CCDC171: variants seen among roughly 807,000 people sequenced by gnomAD.
CCDC171 encodes coiled-coil domain containing 171.
Under a neutral mutation model 168.2 loss-of-function variants are expected in CCDC171, and 177 were observed. That is an observed-to-expected ratio of 1.05 (90% CI 0.93 to 1.19). The LOEUF is 1.19. CCDC171 is among the 50% of genes most tolerant of loss of function. The pLI is 0.00. For synonymous variants in CCDC171, 687 were observed against 540.8 expected (o/e 1.27, Z -3.75); for missense variants, 1,991 against 1,539.0 (o/e 1.29, Z -4.91).
At chr9:15,697,602 C>G (rs1365569911) in intron 11 of CCDC171, among the ~76,000 whole-genome samples, 1 of 152,104 alleles carries the variant, frequency 6.6e-6, no homozygotes, top group Non-Finnish European at 1.5e-5. Context: ...TTTTCGGCTT[C>G]CCAGTATGTT....
At chr9:16,076,955 GA>G in the CCDC171 span, among the ~76,000 whole-genome samples, 2 of 152,186 alleles carry the variant, frequency 1.3e-5, no homozygotes, top group East Asian at 3.8e-4. Context: ...GAATGGCTTG[GA>G]TATTTGGATA....
At chr9:15,784,423 A>G (rs528034368) in intron 20 of CCDC171, 86 bp from the exon 21 acceptor site, 189 of 793,650 alleles carry the variant, frequency 2.4e-4, no homozygotes, top group Non-Finnish European at 3.6e-4. Flanking sequence ...AAATGTTTGT[A>G]TTATATTCCT....
At chr9:15,561,027 G>A (rs1586961517) in intron 1 of CCDC171, among the ~76,000 whole-genome samples, 1 of 152,276 alleles carries the variant, frequency 6.6e-6, no homozygotes, top group Middle Eastern at 3.4e-3. Flanking sequence ...ACTAGCGGAA[G>A]CTCAGTTGGA....
chr9:15,757,279 G>A (rs1475405442), intron 18 of CCDC171, among the ~76,000 whole-genome samples: 1 of 152,178 alleles, frequency 6.6e-6, no homozygotes, highest in African/African-American at 2.4e-5. Context: ...CCAGGCTGAG[G>A]TGGTCTCAGA....
At chr9:15,867,466 G>A (rs945902230) in intron 23 of CCDC171, among the ~76,000 whole-genome samples, 2 of 151,850 alleles carry the variant, frequency 1.3e-5, no homozygotes, top group African/African-American at 4.8e-5. Flanking sequence ...TGTTACTTAC[G>A]GTCTTTGAAC....
chr9:15,650,263 G>A (rs1015962144), intron 7 of CCDC171, among the ~76,000 whole-genome samples: 3 of 152,224 alleles, frequency 2.0e-5, no homozygotes, highest in African/African-American at 2.4e-5. Flanking sequence ...GTGGAGGGAT[G>A]GGGGAGGGAT....
chr9:15,578,840 T>G lies in CCDC171; in HGVS notation c.178-9T>G. 6.2e-7 allele frequency: 1 copy of G among 1,608,290 alleles called. No homozygotes were observed. The highest frequency in any genetic ancestry group is 8.5e-7 in the Non-Finnish European group (1 of 1,177,126). On this transcript the variant is annotated splice_polypyrimidine_tract_variant and intron_variant, in intron 3 of 25. Coordinates refer to ENST00000380701, the MANE Select transcript of CCDC171 (RefSeq NM_173550.4). ...TGGACACATGTTGATATCAGGAATC[T>G]GTTTTTAGCTGGCAAGCTATGAGAG...
chr9:15,855,284 C>G (rs535990852), intron 23 of CCDC171, among the ~76,000 whole-genome samples: 2 of 151,710 alleles, frequency 1.3e-5, no homozygotes, highest in African/African-American at 4.8e-5. Context: ...GATGGATTGA[C>G]TCTTTTATCA....
chr9:15,711,183 A>C (rs921339041), intron 11 of CCDC171, among the ~76,000 whole-genome samples: 3 of 152,236 alleles, frequency 2.0e-5, no homozygotes, highest in Admixed American at 6.5e-5. Context: ...AACTAATTTA[A>C]ATATGAATAC....
chr9:15,997,496 G>C (rs116299589), intron 3 of CCDC171, among the ~76,000 whole-genome samples: 1 of 152,202 alleles, frequency 6.6e-6, no homozygotes, highest in South Asian at 2.1e-4. Context: ...CCAGAGTCCA[G>C]ATCCACTTCT....
At chr9:15,899,568 G>A (rs139557198) in intron 24 of CCDC171, among the ~76,000 whole-genome samples, 23 of 152,214 alleles carry the variant, frequency 1.5e-4, no homozygotes, top group Non-Finnish European at 3.1e-4. Context: ...TTTTAAGTTT[G>A]CATTTCCCTA....
intron 6 of CCDC171, among the ~76,000 whole-genome samples, chr9:16,033,281 T>C (rs911828827): frequency 6.6e-6 from 1 of 152,218 alleles, no homozygotes; most frequent in Non-Finnish European, 1.5e-5. Context: ...CGTGGCCCGT[T>C]AGGAAATGGG....
chr9:15,681,544 T>C (rs2050042014), intron 10 of CCDC171, among the ~76,000 whole-genome samples: 1 of 152,144 alleles, frequency 6.6e-6, no homozygotes, highest in Non-Finnish European at 1.5e-5. Context: ...TTAAGACCTG[T>C]TTAATGAAAA....
intron 24 of CCDC171, among the ~76,000 whole-genome samples, chr9:15,897,233 C>T (rs1238973383): frequency 1.3e-5 from 2 of 151,988 alleles, no homozygotes; most frequent in Non-Finnish European, 2.9e-5. Flanking sequence ...ATACATAGCA[C>T]ATTATCATTT....
intron 23 of CCDC171, among the ~76,000 whole-genome samples, chr9:15,870,856 T>C (rs1446845232): frequency 6.6e-6 from 1 of 151,498 alleles, no homozygotes; most frequent in African/African-American, 2.4e-5. Context: ...GAGTAAAGGC[T>C]AATCAGAGAA....
intron 6 of CCDC171, among the ~76,000 whole-genome samples, chr9:15,603,432 G>C (rs2043004066): frequency 6.6e-6 from 1 of 152,150 alleles, no homozygotes. Flanking sequence ...AGGCCCCAGT[G>C]TGTGTTGTTC....
intron 18 of CCDC171, among the ~76,000 whole-genome samples, chr9:15,774,781 G>A (rs2135342494): frequency 6.6e-6 from 1 of 152,188 alleles, no homozygotes; most frequent in East Asian, 1.9e-4. Context: ...GCCACAAAAA[G>A]GAACGAAATA....
intron 21 of CCDC171, among the ~76,000 whole-genome samples, chr9:15,804,630 G>A (rs534889315): frequency 5.3e-5 from 8 of 152,108 alleles, no homozygotes; most frequent in Non-Finnish European, 1.2e-4. Flanking sequence ...GCTGGATTCA[G>A]TTTGCCAGTG....
rs555256836 is a variant in CCDC171, at chr9:15,597,711, G to A, written c.675+3539G>A. On this transcript the variant is annotated intron_variant, in intron 6 of 25. Coordinates refer to ENST00000380701, the MANE Select transcript of CCDC171 (RefSeq NM_173550.4). Reference sequence around the variant, plus strand: ...TTTTCTATTGATTGGAATAGTTTCAGAAGGAATGGTACCAGCTCCTCCTTG... The same window carrying A: ...TTTTCTATTGATTGGAATAGTTTCAAAAGGAATGGTACCAGCTCCTCCTTG... Among the ~76,000 whole-genome samples the A allele has an allele frequency of 2.6e-5, 4 of 152,272 alleles. No individual in the cohort carries two copies. The South Asian group carries it at 8.3e-4, about 32-fold the overall frequency.
Sources: allele counts gnomAD v4.1 joint callset (sites outside exome capture counted in the v4.1 genomes callset), GRCh38; gene constraint gnomAD v4.1.1; transcripts MANE v1.5; gene names NCBI Gene and HGNC (gene_info 2026-07-23, HGNC 2026-07-21).